BACH1: variants seen among roughly 807,000 people sequenced by gnomAD.
BACH1 encodes the protein transcription regulator protein BACH1.
Under a neutral mutation model 52.9 loss-of-function variants are expected in BACH1, and 35 were observed. That is an observed-to-expected ratio of 0.66 (90% CI 0.51 to 0.88). The LOEUF (loss-of-function observed/expected upper bound fraction) is 0.88, where lower values mean the gene tolerates loss of function less well. Ranked by LOEUF, BACH1 falls within the 40% of genes least tolerant of loss-of-function variation. BACH1 has a pLI of 0.00. For synonymous variants in BACH1, 321 were observed against 319.6 expected (o/e 1.00, Z -0.05); for missense variants, 808 against 872.6 (o/e 0.93, Z 0.93).
intron 1 of BACH1, among the ~76,000 whole-genome samples, chr21:29,320,702 TA>T (rs1340609521): frequency 6.6e-6 from 1 of 152,220 alleles, no homozygotes; most frequent in Non-Finnish European, 1.5e-5. Flanking sequence ...TGTCCCTTGT[TA>T]TAAAACACTA....
chr21:29,330,005 A>T (rs1378887445), intron 4 of BACH1, among the ~76,000 whole-genome samples: 1 of 152,172 alleles, frequency 6.6e-6, no homozygotes, highest in East Asian at 1.9e-4. Context: ...TGTTCATTTA[A>T]ATGAACTGTG....
At chr21:29,339,336 G>A (rs767932936) in intron 4 of BACH1, among the ~76,000 whole-genome samples, 1 of 152,060 alleles carries the variant, frequency 6.6e-6, no homozygotes, top group African/African-American at 2.4e-5. Context: ...ATATCTCGTG[G>A]TAGCTTTTAT....
At chr21:29,322,506 G>T (rs1044845728) in intron 2 of BACH1, among the ~76,000 whole-genome samples, 2 of 152,182 alleles carry the variant, frequency 1.3e-5, no homozygotes, top group African/African-American at 4.8e-5. Context: ...TTTGGGTGGG[G>T]ATGTGCTGGC....
chr21:29,326,977 G>A lies in BACH1; in HGVS notation c.1153G>A (p.Asp385Asn), dbSNP rs1309979654. Residue 385 changes from aspartate (D) to asparagine (N), a missense_variant, in exon 3 of 5, where the codon GAT (aspartate) becomes AAT (asparagine). Asp to Asn is a conservative substitution (Grantham distance 23). Transcript: ENST00000286800. ...GGAAGATAGTAGTGTTGCATCTAGT[G>A]ATAGGAGTAGTGTGGAGCGAGAAGT... Reference protein sequence around the residue: ...TREDSSVASSDRSSVEREVAE... With the variant: ...TREDSSVASSNRSSVEREVAE... 1.2e-6 allele frequency: 2 copies of A among 1,614,222 alleles called. No individual in the cohort carries two copies. The highest frequency in any genetic ancestry group is 1.1e-5 in the South Asian group (1 of 91,088).
chr21:29,338,864 G>C (rs569613601), intron 4 of BACH1, among the ~76,000 whole-genome samples: 82 of 151,454 alleles, frequency 5.4e-4, no homozygotes, highest in African/African-American at 2.0e-3. Context: ...CTAAAAATGT[G>C]TTAACATTTT....
intron 4 of BACH1, among the ~76,000 whole-genome samples, chr21:29,336,417 C>T (rs2123466332): frequency 6.6e-6 from 1 of 152,296 alleles, no homozygotes; most frequent in South Asian, 2.1e-4. Flanking sequence ...TGGGAAGTGC[C>T]AGATTGCTCC....
intron 1 of BACH1, among the ~76,000 whole-genome samples, chr21:29,309,033 A>C (rs1435382700): frequency 6.6e-6 from 1 of 152,232 alleles, no homozygotes; most frequent in East Asian, 1.9e-4. Flanking sequence ...CGAGGCAGGC[A>C]GATCACCTGA....
intron 4 of BACH1, among the ~76,000 whole-genome samples, chr21:29,337,744 T>G (rs1411709566): frequency 6.6e-6 from 1 of 152,070 alleles, no homozygotes; most frequent in Non-Finnish European, 1.5e-5. Flanking sequence ...ATATACCTAA[T>G]GTGCCGGGTG....
chr21:29,356,092 T>C (rs1394952986), intron 2 of BACH1, among the ~76,000 whole-genome samples: 2 of 152,168 alleles, frequency 1.3e-5, no homozygotes, highest in Non-Finnish European at 2.9e-5. Flanking sequence ...TGAGAGTGTG[T>C]GGTAGTAGGA....
intron 4 of BACH1, among the ~76,000 whole-genome samples, chr21:29,336,370 A>G (rs555908437): frequency 1.3e-5 from 2 of 152,324 alleles, no homozygotes; most frequent in East Asian, 3.9e-4. Flanking sequence ...CTAGGGAGGC[A>G]GGAGGTCCAG....
In BACH1 at chr21:29,337,916, C is replaced by T. The variant is rs374001787; in HGVS notation, c.1777-4483C>T. Among the ~76,000 whole-genome samples, 14 of 151,810 alleles carry T rather than the reference C, an allele frequency of 9.2e-5. No individual in the cohort carries two copies. The East Asian group carries it at 9.7e-4, about 10-fold the overall frequency. ...TGCACTCCAGCCTGGGCTACAAGAGCGAAACTCCGTCTTAAAACAAAAACA... is the reference window on the plus strand; with the variant it reads ...TGCACTCCAGCCTGGGCTACAAGAGTGAAACTCCGTCTTAAAACAAAAACA... On this transcript the variant is annotated intron_variant, in intron 4 of 4. Coordinates refer to ENST00000286800, the MANE Select transcript of BACH1 (RefSeq NM_001186.4).
chr21:29,321,273 T>C lies in BACH1; in HGVS notation c.-8T>C, dbSNP rs770992854. The C allele has an allele frequency of 5.6e-6, 9 of 1,605,130 alleles. No individual in the cohort carries two copies. The highest frequency in any genetic ancestry group is 7.7e-6 in the Non-Finnish European group (9 of 1,171,878). ...CACTGAACTTCCCGACAACATTTGT[T>C]ATGCAGAATGTCTCTGAGTGAGAAC... On this transcript the variant is annotated 5_prime_UTR_variant, in exon 2 of 5. Coordinates refer to ENST00000286800, the MANE Select transcript of BACH1 (RefSeq NM_001186.4).
chr21:29,314,615 C>A (rs932383797), intron 1 of BACH1, among the ~76,000 whole-genome samples: 8 of 152,066 alleles, frequency 5.3e-5, no homozygotes, highest in Non-Finnish European at 1.0e-4. Context: ...TTTAAAAAAG[C>A]GGTGGCATCT....
At position 29,326,707 on chromosome 21, in the gene BACH1, C is replaced by A; in HGVS notation, c.883C>A (p.Pro295Thr). Residue 295 changes from proline (P) to threonine (T), a missense_variant, in exon 3 of 5, where the codon CCT becomes ACT. Pro to Thr is a conservative substitution (Grantham distance 38). Transcript: ENST00000286800. Reference sequence around the variant, plus strand: ...GGAACCTGAAGAAACGAAGAAAGATCCTGCTTCTCAGTGCCCAACTGAAAA... The same window carrying A: ...GGAACCTGAAGAAACGAAGAAAGATACTGCTTCTCAGTGCCCAACTGAAAA... ...AMEPEETKKD[P>T]ASQCPTEKSE... is the part of the protein sequence containing the mutation. 1 of 1,614,116 alleles carries A rather than the reference C, an allele frequency of 6.2e-7. No individual in the cohort carries two copies. The highest frequency in any genetic ancestry group is 1.1e-5 in the South Asian group (1 of 91,086).
At chr21:29,337,929 T>TAAAACA (rs147963506) in intron 4 of BACH1, among the ~76,000 whole-genome samples, 102 of 151,890 alleles carry the variant, frequency 6.7e-4, no homozygotes, top group South Asian at 1.7e-3. Flanking sequence ...AACTCCGTCT[T>TAAAACA]AAAACAAAAA....
chr21:29,321,484 T>A lies in BACH1; in HGVS notation c.204T>A (p.Asp68Glu), dbSNP rs148455373. The change falls in exon 2 of 5, where the codon GAT becomes GAA. Residue 68 changes from aspartate to glutamate, a missense_variant. Physicochemically the swap from Asp to Glu is conservative, Grantham distance 45. Transcript: ENST00000286800. ...ACTCAAGAATCGTAGGCCAGGCTGA[T>A]GGAGAGCTGAACATTACTCTTCCAG... ...YFHSRIVGQA[D>E]GELNITLPEE... The A allele has an allele frequency of 1.9e-6, 3 of 1,614,176 alleles. No homozygotes were observed. The highest frequency in any genetic ancestry group is 1.7e-6 in the Non-Finnish European group (2 of 1,180,010).
At chr21:29,299,039 C>G (rs1163721781) in intron 1 of BACH1, 86 bp downstream of exon 1, 2 of 150,284 alleles carry the variant, frequency 1.3e-5, no homozygotes, top group African/African-American at 4.9e-5. Flanking sequence ...GGCCGGCGGA[C>G]AGGTCCAGTG....
chr21:29,329,337 G>C (rs2088954076), intron 3 of BACH1, 150 bp from the exon 4 acceptor site: 1 of 484,666 alleles, frequency 2.1e-6, no homozygotes, highest in South Asian at 6.7e-5. Context: ...ATATCCTTTT[G>C]AGATTGTATA....
At chr21:29,356,420 G>A (rs2089234987) in intron 2 of BACH1, among the ~76,000 whole-genome samples, 1 of 152,192 alleles carries the variant, frequency 6.6e-6, no homozygotes, top group Non-Finnish European at 1.5e-5. Context: ...TTAAGGTTTG[G>A]CTGAGTGCAA....
Sources: allele counts gnomAD v4.1 joint callset (sites outside exome capture counted in the v4.1 genomes callset), GRCh38; gene constraint gnomAD v4.1.1; transcripts MANE v1.5; gene names NCBI Gene and HGNC (gene_info 2026-07-23, HGNC 2026-07-21).